Variants in KLF12 observed in about 807,000 individuals in gnomAD.
The protein encoded by KLF12 is KLF transcription factor 12.
A neutral mutation model predicts 37.8 loss-of-function variants in KLF12; 9 were observed. That is an observed-to-expected ratio of 0.24 (90% confidence interval 0.14 to 0.42). KLF12 has a LOEUF of 0.42. Among genes scored for constraint, KLF12 ranks in the 10% least tolerant of loss-of-function variants. KLF12 has a pLI of 1.00. For missense variants in KLF12, 411 were observed against 516.0 expected, an observed-to-expected ratio of 0.80 and a Z score of 1.97; for synonymous variants, 208 against 202.1, an observed-to-expected ratio of 1.03 and a Z score of -0.25.
At chr13:73,920,607 A>G (rs1196435132) in intron 3 of KLF12, among the ~76,000 whole-genome samples, 1 of 152,078 alleles carries the variant, frequency 6.6e-6, no homozygotes, top group Non-Finnish European at 1.5e-5. Flanking sequence ...TGAGGCTCTT[A>G]GTTCCCCCAT....
chr13:73,729,266 A>C (rs933378347), intron 6 of KLF12, among the ~76,000 whole-genome samples: 3 of 152,222 alleles, frequency 2.0e-5, no homozygotes, highest in South Asian at 2.1e-4. Context: ...CTTCTGCATT[A>C]TTGGCCACAC....
intron 3 of KLF12, among the ~76,000 whole-genome samples, chr13:73,914,465 A>C (rs1393115268): frequency 6.6e-6 from 1 of 152,254 alleles, no homozygotes; most frequent in Non-Finnish European, 1.5e-5. Context: ...GCACTCAAAT[A>C]GATGTGGAGA....
At chr13:73,715,079 C>T (rs1449105586) in intron 7 of KLF12, among the ~76,000 whole-genome samples, 2 of 152,090 alleles carry the variant, frequency 1.3e-5, no homozygotes, top group African/African-American at 2.4e-5. Context: ...TGATGTGCCA[C>T]GTGGACATTT....
chr13:74,218,279 A>T, the KLF12 span, among the ~76,000 whole-genome samples: 1 of 152,186 alleles, frequency 6.6e-6, no homozygotes, highest in South Asian at 2.1e-4. Context: ...AGGGGGACAT[A>T]CTCTGAATCA....
At chr13:73,893,938 G>A (rs1001400408) in intron 3 of KLF12, among the ~76,000 whole-genome samples, 1 of 152,138 alleles carries the variant, frequency 6.6e-6, no homozygotes, top group African/African-American at 2.4e-5. Flanking sequence ...CAAAGGAAGA[G>A]ACAATGTTAT....
rs149147775 is a variant in KLF12 at position 73,723,506 on chromosome 13, A to T, written c.870-7981T>A. Among the ~76,000 whole-genome samples the T allele has an allele frequency of 5.6e-3, 856 of 152,228 alleles. 5 individuals are homozygous for T. Among genetic ancestry groups the T allele is most frequent in the African/African-American group, 0.019 (802 of 41,496 alleles). Reference sequence around the variant, plus strand: ...TGGTGGATTACATAAACCTTAAAAAAAAAAACTTTCTAGGTCAGAATAGGA... The same window carrying T: ...TGGTGGATTACATAAACCTTAAAAATAAAAACTTTCTAGGTCAGAATAGGA... On this transcript the variant is annotated intron_variant, in intron 6 of 7. Transcript: ENST00000377669.
intron 5 of KLF12, among the ~76,000 whole-genome samples, chr13:73,773,708 A>T (rs879642069): frequency 1.3e-5 from 2 of 152,028 alleles, no homozygotes; most frequent in African/African-American, 2.4e-5. Flanking sequence ...ATGGCTTTCC[A>T]TTGCTTTTGA....
chr13:74,118,895 G>A (rs1330768392), intron 1 of KLF12, among the ~76,000 whole-genome samples: 1 of 151,926 alleles, frequency 6.6e-6, no homozygotes, highest in Non-Finnish European at 1.5e-5. Flanking sequence ...GAAAGATCCA[G>A]GAGACCAAAC....
the KLF12 span, among the ~76,000 whole-genome samples, chr13:74,187,603 G>T: frequency 6.6e-6 from 1 of 152,190 alleles, no homozygotes; most frequent in Non-Finnish European, 1.5e-5. Flanking sequence ...GAACATAGTA[G>T]ACAGTAAGTA....
chr13:73,840,230 CCA>C (rs1344525300), intron 4 of KLF12, among the ~76,000 whole-genome samples: 10 of 152,194 alleles, frequency 6.6e-5, no homozygotes, highest in Admixed American at 6.5e-4. Context: ...TAACATTACT[CCA>C]CTTTCCTCAT....
At chr13:73,891,893 T>A (rs962969696) in intron 3 of KLF12, among the ~76,000 whole-genome samples, 5 of 152,118 alleles carry the variant, frequency 3.3e-5, no homozygotes, top group Non-Finnish European at 7.4e-5. Context: ...AATATAATTA[T>A]CTCCGAACAA....
rs1873578008 is a variant in KLF12, at chr13:73,687,698, C to T, written c.*7792G>A. On this transcript the variant is annotated 3_prime_UTR_variant, in exon 8 of 8. Transcript: ENST00000377669. The stretch of plus-strand genomic sequence containing the variant: ...AGATTTGGATCCAAATTCTATCCTC[C>T]TATTAACCCTTACTTCTCAACAAAA... The T allele has an allele frequency of 6.6e-6, 1 of 152,124 alleles. No individual in the cohort carries two copies. Among genetic ancestry groups the T allele is most frequent in the Non-Finnish European group, 1.5e-5 (1 of 68,026 alleles). The allele number at this position is 152,124 out of a possible 1,614,324, so 9.4% of individuals were successfully genotyped here.
chr13:74,299,039 T>C, the KLF12 span, among the ~76,000 whole-genome samples: 4 of 152,138 alleles, frequency 2.6e-5, no homozygotes, highest in Non-Finnish European at 5.9e-5. Context: ...CAGACAGAAA[T>C]TCAAGATCTG....
intron 1 of KLF12, among the ~76,000 whole-genome samples, chr13:74,068,581 G>A (rs1317658456): frequency 7.4e-6 from 1 of 135,464 alleles, no homozygotes; most frequent in African/African-American, 2.7e-5. Flanking sequence ...TTTTGAGACT[G>A]AGCTCTGCTC....
intron 5 of KLF12, among the ~76,000 whole-genome samples, chr13:73,808,192 G>T (rs1278410314): frequency 6.6e-6 from 1 of 151,986 alleles, no homozygotes; most frequent in Non-Finnish European, 1.5e-5. Flanking sequence ...AGGGGGTGGG[G>T]GATCAAGACC....
chr13:74,081,816 T>C (rs924726793), intron 1 of KLF12, among the ~76,000 whole-genome samples: 1 of 152,170 alleles, frequency 6.6e-6, no homozygotes, highest in Non-Finnish European at 1.5e-5. Context: ...ATAAGTCACC[T>C]TATTTAATTA....
At chr13:73,977,136 C>T (rs1012325858) in intron 2 of KLF12, among the ~76,000 whole-genome samples, 24 of 151,548 alleles carry the variant, frequency 1.6e-4, no homozygotes, top group African/African-American at 5.3e-4. Flanking sequence ...CTGCAATCTC[C>T]GCTTCCCAGG....
rs1566299017 is a variant in KLF12, at chr13:73,692,208, C to T, written c.*3282G>A. 1 of 152,200 alleles carries T rather than the reference C, an allele frequency of 6.6e-6. No homozygotes were observed. Among genetic ancestry groups the T allele is most frequent in the Middle Eastern group, 3.4e-3 (1 of 294 alleles). 9.4% of individuals were successfully genotyped at this position (152,200 alleles called of 1,614,324 possible). ...AGTTATCAAGCAGGCTTCTCAGAGT[C>T]CACACACAATTGACAGAATGAGGGC... is the stretch of plus-strand genomic sequence containing the variant. On this transcript the variant is annotated 3_prime_UTR_variant, in exon 8 of 8. Coordinates refer to ENST00000377669, the MANE Select transcript of KLF12 (RefSeq NM_007249.5).
At chr13:74,074,899 A>G (rs1016700664) in intron 1 of KLF12, among the ~76,000 whole-genome samples, 4 of 152,242 alleles carry the variant, frequency 2.6e-5, no homozygotes, top group Non-Finnish European at 5.9e-5. Context: ...TCAAAAAGGC[A>G]TAATTTCTAC....
Sources: gnomAD v4.1 joint callset for allele counts (sites outside exome capture counted in the v4.1 genomes callset) on GRCh38, gnomAD v4.1.1 for gene constraint, MANE v1.5 for transcripts, NCBI Gene and HGNC (gene_info 2026-07-23, HGNC 2026-07-21) for gene names.